Variants in ZYG11A observed in about 807,000 individuals in gnomAD.
The protein encoded by ZYG11A is zyg-11 family member A, cell cycle regulator, also known as protein zyg-11 homolog A.
A neutral mutation model predicts 77.2 loss-of-function variants in ZYG11A; 62 were observed. The observed-to-expected ratio is 0.80, with a 90% confidence interval of 0.65 to 0.99. ZYG11A has a LOEUF of 0.99. Ranked by LOEUF, ZYG11A falls within the 50% of genes least tolerant of loss-of-function variation. The probability of loss-of-function intolerance (pLI) is 0.00; values close to 1 mark genes in which losing one functional copy is unlikely to be tolerated. For synonymous variants in ZYG11A, 315 were observed against 324.6 expected (o/e 0.97, Z 0.32); for missense variants, 828 against 896.8 (o/e 0.92, Z 0.98).
chr1:52,864,541 A>G (rs1645988438), intron 5 of ZYG11A, among the ~76,000 whole-genome samples: 2 of 152,218 alleles, frequency 1.3e-5, no homozygotes, highest in Non-Finnish European at 2.9e-5. Context: ...TATGTGAAAA[A>G]TAGATATTAT....
intron 8 of ZYG11A, among the ~76,000 whole-genome samples, chr1:52,875,330 A>G (rs1017866460): frequency 6.6e-6 from 1 of 152,204 alleles, no homozygotes; most frequent in Non-Finnish European, 1.5e-5. Flanking sequence ...TAACTTTTTG[A>G]TATAATTTAA....
intron 3 of ZYG11A, among the ~76,000 whole-genome samples, chr1:52,860,451 C>T (rs886449325): frequency 6.6e-6 from 1 of 152,182 alleles, no homozygotes; most frequent in Non-Finnish European, 1.5e-5. Context: ...GCGCCTGCCA[C>T]CACGCCTGGC....
chr1:52,881,458 A>G lies in ZYG11A; in HGVS notation c.1750-13A>G. ...TCTTGTCTCTGGGGTTCTCTGCTCC[A>G]TCTGACCTGTAGAACAACATAGCAG... is the stretch of plus-strand genomic sequence containing the variant. On this transcript the variant is annotated splice_polypyrimidine_tract_variant and intron_variant, in intron 10 of 13. Coordinates refer to ENST00000371528, the MANE Select transcript of ZYG11A (RefSeq NM_001004339.3). The G allele has an allele frequency of 6.5e-7, 1 of 1,534,406 alleles. No individual in the cohort carries two copies.
intron 4 of ZYG11A, among the ~76,000 whole-genome samples, chr1:52,862,291 C>T (rs896122452): frequency 3.3e-5 from 5 of 150,512 alleles, no homozygotes; most frequent in Non-Finnish European, 3.0e-5. Flanking sequence ...TGGAGGACTA[C>T]GTGAGCCCAG....
chr1:52,853,174 C>G (rs1645745785), intron 1 of ZYG11A, among the ~76,000 whole-genome samples: 1 of 152,212 alleles, frequency 6.6e-6, no homozygotes, highest in Non-Finnish European at 1.5e-5. Context: ...GGAGCTGCAG[C>G]TCACTCTGCT....
intron 4 of ZYG11A, 112 bp downstream of exon 4, chr1:52,860,983 A>G: frequency 1.9e-6 from 2 of 1,069,410 alleles, no homozygotes; most frequent in Non-Finnish European, 2.7e-6. Context: ...ATAGTGAGTC[A>G]AGTGCTCTCA....
rs200351805 is a variant in ZYG11A, at chr1:52,890,614, CT to C, written c.2105-2158del. Among the ~76,000 whole-genome samples the C allele has an allele frequency of 5.3e-3, 764 of 144,674 alleles. 22 individuals are homozygous for C. Among genetic ancestry groups the C allele is most frequent in the African/African-American group, 0.018 (719 of 39,212 alleles). The allele number at this position is 144,674 out of a possible 152,430, so 94.9% of individuals were successfully genotyped here. On this transcript the variant is annotated intron_variant, in intron 13 of 13. Coordinates refer to ENST00000371528, the MANE Select transcript of ZYG11A (RefSeq NM_001004339.3). ...TTCTTGATAGGTAATTTTTCTTTTA[CT>C]TTTTTTTTTGAAACAGGGTCTCACT...
At chr1:52,888,672 T>C (rs1052017883) in intron 13 of ZYG11A, among the ~76,000 whole-genome samples, 3 of 152,196 alleles carry the variant, frequency 2.0e-5, no homozygotes, top group African/African-American at 7.2e-5. Flanking sequence ...AAATGTTTTT[T>C]ATGGGCTCAG....
chr1:52,864,463 C>G (rs1238089138), intron 5 of ZYG11A, among the ~76,000 whole-genome samples: 2 of 152,080 alleles, frequency 1.3e-5, no homozygotes, highest in Non-Finnish European at 2.9e-5. Flanking sequence ...TCAGGCTGGT[C>G]TCGAACTCCT....
chr1:52,887,826 T>C (rs1646477044), intron 13 of ZYG11A, among the ~76,000 whole-genome samples: 4 of 152,196 alleles, frequency 2.6e-5, no homozygotes. Flanking sequence ...GTGATCTATG[T>C]TAGTGCCACT....
At chr1:52,872,052 A>G (rs931525065) in intron 8 of ZYG11A, among the ~76,000 whole-genome samples, 2 of 152,212 alleles carry the variant, frequency 1.3e-5, no homozygotes, top group South Asian at 4.1e-4. Flanking sequence ...TACAATAGAG[A>G]TGAAATCAAG....
intron 8 of ZYG11A, among the ~76,000 whole-genome samples, chr1:52,873,459 G>T (rs1485755662): frequency 6.6e-6 from 1 of 152,136 alleles, no homozygotes; most frequent in African/African-American, 2.4e-5. Flanking sequence ...GATGCCAAGA[G>T]AACTAAAATT....
At chr1:52,845,554 C>G (rs146040314) in intron 1 of ZYG11A, among the ~76,000 whole-genome samples, 171 of 151,582 alleles carry the variant, frequency 1.1e-3, no homozygotes, top group African/African-American at 3.9e-3. Context: ...GAACTCCTGG[C>G]CTCAAGCGAC....
intron 5 of ZYG11A, among the ~76,000 whole-genome samples, chr1:52,866,239 G>T (rs543080410): frequency 6.6e-6 from 1 of 152,166 alleles, no homozygotes; most frequent in Non-Finnish European, 1.5e-5. Context: ...ACCCGGCCAA[G>T]GGAGTTGATT....
At chr1:52,844,453 C>T (rs1398545838) in intron 1 of ZYG11A, among the ~76,000 whole-genome samples, 1 of 152,154 alleles carries the variant, frequency 6.6e-6, no homozygotes, top group East Asian at 1.9e-4. Flanking sequence ...CAAAAGTACT[C>T]ACACCCATTT....
chr1:52,843,024 TCCGGCGAGC>T (rs903923092), intron 1 of ZYG11A, 51 bp downstream of exon 1: 1 of 1,451,818 alleles, frequency 6.9e-7, no homozygotes, highest in Non-Finnish European at 9.2e-7. Context: ...CACGTCCAGC[TCCGGCGAGC>T]GCGGCGAGTC....
rs1645978857 is a variant in ZYG11A, at chr1:52,864,119, C to CT, written c.1292dup (p.Lys432GlnfsTer32). 1 of 1,551,580 alleles carries CT rather than the reference C, an allele frequency of 6.4e-7. No individual in the cohort carries two copies. The highest frequency in any genetic ancestry group is 8.7e-7 in the Non-Finnish European group (1 of 1,147,018). Reference sequence around the variant, plus strand: ...CCTGTTGTCAGAGGTCACCTGTCTACTTTTCAAGGCTCTGAAAAATTTCCC... The same window carrying CT: ...CCTGTTGTCAGAGGTCACCTGTCTACTTTTTCAAGGCTCTGAAAAATTTCCC... On this transcript the variant is annotated frameshift_variant, in exon 5 of 14. Transcript: ENST00000371528. LOFTEE classifies it high-confidence loss of function.
intron 8 of ZYG11A, among the ~76,000 whole-genome samples, chr1:52,871,455 T>C (rs1439750381): frequency 6.6e-6 from 1 of 152,128 alleles, no homozygotes; most frequent in Non-Finnish European, 1.5e-5. Flanking sequence ...TTGGACTTTA[T>C]TCTGTTCCAT....
chr1:52,878,149 A>G (rs1241284930), intron 10 of ZYG11A, among the ~76,000 whole-genome samples, 180 bp downstream of exon 10: 3 of 152,234 alleles, frequency 2.0e-5, no homozygotes, highest in Non-Finnish European at 4.4e-5. Flanking sequence ...GTTGTGAACA[A>G]ACTATAGCTT....
Sources: allele counts gnomAD v4.1 joint callset (sites outside exome capture counted in the v4.1 genomes callset), GRCh38; gene constraint gnomAD v4.1.1; transcripts MANE v1.5; gene names NCBI Gene and HGNC (gene_info 2026-07-23, HGNC 2026-07-21).